The following MGST1 variants were observed in gnomAD, a reference collection of about 807,000 sequenced individuals.
MGST1 encodes the protein glutathione S-transferase 12.
A neutral mutation model predicts 8.9 loss-of-function variants in MGST1; 5 were observed. The observed-to-expected ratio is 0.56, with a 90% confidence interval of 0.29 to 1.19. The LOEUF (loss-of-function observed/expected upper bound fraction) is 1.19. Among genes scored for constraint, MGST1 ranks in the 50% most tolerant of loss-of-function variants. MGST1 has a pLI of 0.08. For synonymous variants in MGST1, 54 were observed against 67.8 expected, an observed-to-expected ratio of 0.80 and a Z score of 1.00; for missense variants, 182 against 187.4, an observed-to-expected ratio of 0.97 and a Z score of 0.17.
At chr12:16,418,659 G>A (rs1192000531) in intron 1 of MGST1, among the ~76,000 whole-genome samples, 3 of 152,096 alleles carry the variant, frequency 2.0e-5, no homozygotes, top group Non-Finnish European at 4.4e-5. Flanking sequence ...CAGATAGCCT[G>A]TGTTTAAATC....
intron 1 of MGST1, among the ~76,000 whole-genome samples, chr12:16,414,395 AT>A (rs66730103): frequency 0.41 from 38,376 of 94,344 alleles, 5,063 homozygotes; most frequent in East Asian, 0.48. Flanking sequence ...AGGTGTTTTT[AT>A]TTTTTTTTTT....
chr12:16,533,338 A>G (rs370904956), intron 4 of MGST1, among the ~76,000 whole-genome samples: 19 of 152,228 alleles, frequency 1.2e-4, no homozygotes, highest in African/African-American at 4.6e-4. Flanking sequence ...GTACACCTTG[A>G]TTTGTGGAAT....
In MGST1 at chr12:16,484,167, T is replaced by A. The variant is rs374088343; in HGVS notation, n.482+100563T>A. Reference sequence around the variant, plus strand: ...AGTTTGCAATGATCATGAGCACTCTTCAGAGTCTGAAATTTGGAACTGAAC... The same window carrying A: ...AGTTTGCAATGATCATGAGCACTCTACAGAGTCTGAAATTTGGAACTGAAC... On this transcript the variant is annotated intron_variant and non_coding_transcript_variant, in intron 4 of 4. Transcript: ENST00000538857. Among the ~76,000 whole-genome samples, 386 of 152,302 alleles carry A rather than the reference T, an allele frequency of 2.5e-3. 4 individuals carry two copies. Among genetic ancestry groups the A allele is most frequent in the African/African-American group, 9.1e-3 (377 of 41,564 alleles).
At chr12:16,385,426 G>A (rs1304787639) in intron 1 of MGST1, among the ~76,000 whole-genome samples, 5 of 131,178 alleles carry the variant, frequency 3.8e-5, no homozygotes, top group Admixed American at 3.2e-4. Flanking sequence ...CTACATTTGT[G>A]TGCATGAATT....
intron 4 of MGST1, among the ~76,000 whole-genome samples, chr12:16,449,807 A>G (rs548330778): frequency 6.6e-6 from 1 of 152,008 alleles, no homozygotes; most frequent in South Asian, 2.1e-4. Flanking sequence ...TCTCCCATTT[A>G]GTGCCATTCA....
chr12:16,539,695 C>T (rs993679885), intron 4 of MGST1, among the ~76,000 whole-genome samples: 1 of 152,204 alleles, frequency 6.6e-6, no homozygotes, highest in African/African-American at 2.4e-5. Flanking sequence ...TAAACCTGAT[C>T]ATGCCTTCCC....
chr12:16,399,504 G>A, intron 1 of MGST1: 1 of 1,562,420 alleles, frequency 6.4e-7, no homozygotes. Flanking sequence ...CGACTCCTTA[G>A]AAGAGTCTGA....
Position 16,555,706 on chromosome 12 carries a change from A to G in MGST1, n.483-33822A>G, listed in dbSNP as rs756518213. Among the ~76,000 whole-genome samples the G allele has an allele frequency of 6.6e-6, 1 of 152,092 alleles. No homozygotes were observed. The highest frequency in any genetic ancestry group is 1.5e-5 in the Non-Finnish European group (1 of 68,026). ...ATGTGCCTACCAAACCGCTTCTCTA[A>G]TCTCTGAACATACTGAGCCGCTTTT... On this transcript the variant is annotated intron_variant and non_coding_transcript_variant, in intron 4 of 4. Transcript: ENST00000538857. This position sits in a 1 kb window ranked among gnomAD's most constrained non-coding sequence, Gnocchi z 5.5.
intron 4 of MGST1, among the ~76,000 whole-genome samples, chr12:16,538,161 T>G (rs1346472101): frequency 6.6e-6 from 1 of 152,184 alleles, no homozygotes; most frequent in East Asian, 1.9e-4. Context: ...GTTAAAAGTT[T>G]TGCACATCTG....
At chr12:16,349,808 G>A (rs574225725) in intron 1 of MGST1, among the ~76,000 whole-genome samples, 5 of 145,598 alleles carry the variant, frequency 3.4e-5, no homozygotes, top group Admixed American at 7.0e-5. Context: ...GCAGTGGCAC[G>A]ATCTCAGCTC....
chr12:16,479,059 G>A (rs1384502453), intron 4 of MGST1, among the ~76,000 whole-genome samples: 2 of 151,906 alleles, frequency 1.3e-5, no homozygotes, highest in East Asian at 3.9e-4. Flanking sequence ...CATACAGTAC[G>A]TGATGTGTCT....
rs372126400 is a variant in MGST1, at chr12:16,551,182, A to G, written n.483-38346A>G. On this transcript the variant is annotated intron_variant and non_coding_transcript_variant, in intron 4 of 4. Coordinates refer to the MGST1 transcript ENST00000538857. Reference sequence around the variant, plus strand: ...CATGTGGAGCAAAAAAGATAAAAGAATGTAGTGCTTTGTATTCTTAATGGG... The same window carrying G: ...CATGTGGAGCAAAAAAGATAAAAGAGTGTAGTGCTTTGTATTCTTAATGGG... 128 of 1,245,314 alleles carry G rather than the reference A, an allele frequency of 1.0e-4. 1 individual carries two copies. The highest frequency in any genetic ancestry group is 1.5e-4 in the Non-Finnish European group (125 of 844,342). 77.1% of individuals were successfully genotyped at this position (1,245,314 alleles called of 1,614,324 possible). A position where few individuals can be genotyped will look rare whatever the true frequency, so the allele number is the denominator to read the frequency against.
At chr12:16,396,829 T>A (rs1421648138) in intron 1 of MGST1, among the ~76,000 whole-genome samples, 3 of 152,064 alleles carry the variant, frequency 2.0e-5, no homozygotes, top group African/African-American at 7.2e-5. Context: ...CTTGAATGGG[T>A]AGAATCAATA....
chr12:16,532,475 T>C (rs560485601), intron 4 of MGST1, among the ~76,000 whole-genome samples: 2 of 152,162 alleles, frequency 1.3e-5, no homozygotes, highest in Non-Finnish European at 1.5e-5. Context: ...AGCAAAGCTA[T>C]AGGGTTTAAT....
Position 16,410,738 on chromosome 12 carries a change from T to C in MGST1, n.779-26650T>C, listed in dbSNP as rs1940735745. ...TCAAATATTCAAATATACTCAAATGTATATGTTTGATTATATATATATTTG... is the reference window on the plus strand; with the variant it reads ...TCAAATATTCAAATATACTCAAATGCATATGTTTGATTATATATATATTTG... On this transcript the variant is annotated intron_variant and non_coding_transcript_variant, in intron 1 of 1. Coordinates refer to the MGST1 transcript ENST00000359720. The surrounding 1 kb of genome is among the most constrained non-coding windows in gnomAD (Gnocchi z 4.4). 1.3e-5 allele frequency among the ~76,000 whole-genome samples: 2 copies of C among 149,724 alleles called. No individual in the cohort carries two copies. Among genetic ancestry groups the C allele is most frequent in the Non-Finnish European group, 3.0e-5 (2 of 67,546 alleles).
At chr12:16,514,156 C>T in intron 4 of MGST1, 2 of 358,304 alleles carry the variant, frequency 5.6e-6, no homozygotes, top group Non-Finnish European at 1.1e-5. Context: ...AACAAGGATG[C>T]CTGGGCTGTG....
rs957686606 is a variant in MGST1, at chr12:16,362,281, A to G, written c.222-1514A>G. The stretch of plus-strand genomic sequence containing the variant: ...TATTGCTCCATGAAAGAGAGGGCAC[A>G]GGAACACTCACACCATCCTCTCTTT... On this transcript the variant is annotated intron_variant, in intron 3 of 3. Transcript: ENST00000396210. This position sits in a 1 kb window ranked among gnomAD's most constrained non-coding sequence, Gnocchi z 4.4. 6.6e-6 allele frequency among the ~76,000 whole-genome samples: 1 copy of G among 152,186 alleles called. No individual in the cohort carries two copies. The highest frequency in any genetic ancestry group is 2.4e-5 in the African/African-American group (1 of 41,448).
intron 1 of MGST1, among the ~76,000 whole-genome samples, chr12:16,423,650 A>G (rs747222524): frequency 6.6e-6 from 1 of 152,204 alleles, no homozygotes; most frequent in Non-Finnish European, 1.5e-5. Context: ...TATACTCATT[A>G]TGATGCTAAT....
chr12:16,366,674 CACAT>C (rs1447178578), downstream of MGST1, among the ~76,000 whole-genome samples: 4 of 115,594 alleles, frequency 3.5e-5, no homozygotes, highest in African/African-American at 1.7e-4. This position sits in a 1 kb window ranked among gnomAD's most constrained non-coding sequence, Gnocchi z 4.0. Context: ...CATACACACA[CACAT>C]ACTACCATCA....
Sources: allele counts gnomAD v4.1 joint callset (sites outside exome capture counted in the v4.1 genomes callset), GRCh38; gene constraint gnomAD v4.1.1; non-coding constraint Gnocchi (gnomAD v3.1); transcripts MANE v1.5; gene names NCBI Gene and HGNC (gene_info 2026-07-23, HGNC 2026-07-21).